Variants in TSPAN18 observed in about 807,000 individuals in gnomAD.
TSPAN18 encodes tetraspanin 18.
TSPAN18 carries 14 observed loss-of-function variants against 27.3 expected under a neutral mutation model. The observed-to-expected ratio is 0.51, with a 90% CI of 0.34 to 0.80. TSPAN18 has a LOEUF of 0.80. Among genes scored for constraint, TSPAN18 ranks in the 30% least tolerant of loss-of-function variants. The pLI, the probability that TSPAN18 is intolerant of heterozygous loss-of-function variation, is 0.01. For missense variants in TSPAN18, 268 were observed against 323.9 expected (o/e 0.83, Z 1.32); for synonymous variants, 143 against 136.5 (o/e 1.05, Z -0.33).
At chr11:44,926,086 T>C (rs1007652413) in intron 8 of TSPAN18, among the ~76,000 whole-genome samples, 8 of 152,198 alleles carry the variant, frequency 5.3e-5, no homozygotes, top group African/African-American at 1.9e-4. Flanking sequence ...TTCAGAAAGC[T>C]GCCCGAAGGA....
chr11:44,887,688 C>G (rs1858703558), intron 3 of TSPAN18, among the ~76,000 whole-genome samples: 1 of 152,166 alleles, frequency 6.6e-6, no homozygotes, highest in South Asian at 2.1e-4. Flanking sequence ...CACCCTCTCC[C>G]TGGGTTCCAA....
chr11:44,921,446 G>A (rs796568499), intron 8 of TSPAN18, among the ~76,000 whole-genome samples: 9 of 152,296 alleles, frequency 5.9e-5, no homozygotes, highest in African/African-American at 2.2e-4. Context: ...ACCAGCTAGA[G>A]GCTGCACTTC....
intron 2 of TSPAN18, among the ~76,000 whole-genome samples, chr11:44,768,489 A>T (rs1855618900): frequency 6.7e-6 from 1 of 150,224 alleles, no homozygotes; most frequent in Non-Finnish European, 1.5e-5. Context: ...TTGTTCCAGG[A>T]TTTTTTTTTT....
chr11:44,897,683 A>T, intron 3 of TSPAN18: 1 of 1,068,188 alleles, frequency 9.4e-7, no homozygotes, highest in Admixed American at 2.3e-5. Context: ...TTTCATAAAC[A>T]GCTCCTTTCA....
At chr11:44,783,970 G>C (rs1020888454) in intron 2 of TSPAN18, among the ~76,000 whole-genome samples, 1 of 152,152 alleles carries the variant, frequency 6.6e-6, no homozygotes, top group Non-Finnish European at 1.5e-5. Context: ...AACCTCCTGG[G>C]ACCCCAGAGG....
intron 3 of TSPAN18, among the ~76,000 whole-genome samples, chr11:44,902,174 G>A (rs1476789948): frequency 2.0e-5 from 3 of 152,174 alleles, no homozygotes; most frequent in Admixed American, 6.5e-5. Context: ...AGGTGTAGAC[G>A]TGATAAGAGC....
At chr11:44,866,790 C>A (rs1858049574) in intron 3 of TSPAN18, among the ~76,000 whole-genome samples, 1 of 152,238 alleles carries the variant, frequency 6.6e-6, no homozygotes, top group Non-Finnish European at 1.5e-5. Flanking sequence ...TCAGCCTAAG[C>A]TGTCTTCCTA....
chr11:44,755,164 G>C (rs1855303488), intron 1 of TSPAN18, among the ~76,000 whole-genome samples: 1 of 152,158 alleles, frequency 6.6e-6, no homozygotes, highest in South Asian at 2.1e-4. Flanking sequence ...ATCCCACCAA[G>C]AGCTAATGGG....
At position 44,887,913 on chromosome 11, in the gene TSPAN18, G is replaced by T. The variant is rs76459852; in HGVS notation, c.-10-18494G>T. 1.3e-3 allele frequency among the ~76,000 whole-genome samples: 195 copies of T among 152,220 alleles called. 1 individual carries two copies. Among genetic ancestry groups the T allele is most frequent in the African/African-American group, 4.5e-3 (188 of 41,520 alleles). On this transcript the variant is annotated intron_variant, in intron 3 of 9. Transcript: ENST00000520358. ...AATATTTAAATCTGGGCAGTGTGGT[G>T]GGCCAGGTTGTCCCAGCAACAGCCC... is the stretch of plus-strand genomic sequence containing the variant.
intron 5 of TSPAN18, among the ~76,000 whole-genome samples, chr11:44,915,470 C>T (rs976485540): frequency 1.3e-5 from 2 of 152,176 alleles, no homozygotes; most frequent in Non-Finnish European, 2.9e-5. Context: ...CCACCCTCAT[C>T]ATACTCTGCA....
intron 2 of TSPAN18, among the ~76,000 whole-genome samples, chr11:44,790,467 G>C (rs113114664): frequency 4.2e-4 from 63 of 149,412 alleles, no homozygotes; most frequent in African/African-American, 1.4e-3. Flanking sequence ...GTGTATGCAT[G>C]TGTTCGTGTG....
chr11:44,818,213 G>A (rs545552764), intron 2 of TSPAN18, among the ~76,000 whole-genome samples: 5 of 152,334 alleles, frequency 3.3e-5, no homozygotes, highest in African/African-American at 1.2e-4. Context: ...TAACTTGGCT[G>A]GTGCAGAACT....
intron 2 of TSPAN18, among the ~76,000 whole-genome samples, chr11:44,765,010 G>A (rs576267817): frequency 1.9e-4 from 29 of 152,334 alleles, no homozygotes; most frequent in African/African-American, 6.7e-4. Flanking sequence ...ACTGAGAACA[G>A]AAAAGCCTTG....
At chr11:44,885,069 A>G (rs187816300) in intron 3 of TSPAN18, among the ~76,000 whole-genome samples, 1 of 152,232 alleles carries the variant, frequency 6.6e-6, no homozygotes, top group East Asian at 1.9e-4. Flanking sequence ...CCCAAAGGAG[A>G]TCTGGGTAGC....
chr11:44,923,730 G>C (rs1376430357), intron 8 of TSPAN18, among the ~76,000 whole-genome samples: 1 of 152,190 alleles, frequency 6.6e-6, no homozygotes, highest in Admixed American at 6.5e-5. Flanking sequence ...CCCGAGGGCT[G>C]TAATGAGATC....
At chr11:44,854,612 A>T (rs1857688677) in intron 2 of TSPAN18, among the ~76,000 whole-genome samples, 1 of 152,146 alleles carries the variant, frequency 6.6e-6, no homozygotes, top group African/African-American at 2.4e-5. Context: ...TGTAGGAACC[A>T]CTTGGGCTGA....
chr11:44,807,221 AAAAAAAAAAAAAAAAGAAG>A (rs1856614527), intron 2 of TSPAN18, among the ~76,000 whole-genome samples: 2 of 24,478 alleles, frequency 8.2e-5, no homozygotes, highest in Non-Finnish European at 3.2e-4. Flanking sequence ...AAAAAAAAAA[AAAAAAAAAAAAAAAAGAAG>A]GAAAGAGGCC....
intron 2 of TSPAN18, among the ~76,000 whole-genome samples, chr11:44,826,384 A>G (rs1206495761): frequency 6.6e-6 from 1 of 152,250 alleles, no homozygotes; most frequent in Admixed American, 6.5e-5. Flanking sequence ...AGATGGCGCC[A>G]TTGCACTCCA....
chr11:44,871,761 T>TATAG (rs1337815916), intron 3 of TSPAN18, among the ~76,000 whole-genome samples: 1 of 152,210 alleles, frequency 6.6e-6, no homozygotes, highest in Non-Finnish European at 1.5e-5. Flanking sequence ...TATTGCTTGC[T>TATAG]ATAGATGCTG....
Sources: allele counts gnomAD v4.1 joint callset (sites outside exome capture counted in the v4.1 genomes callset), GRCh38; gene constraint gnomAD v4.1.1; transcripts MANE v1.5; gene names NCBI Gene and HGNC (gene_info 2026-07-23, HGNC 2026-07-21).